ANKRD42: variants seen among roughly 807,000 people sequenced by gnomAD.
The protein encoded by ANKRD42 is ankyrin repeat domain 42.
Under a neutral mutation model 51.5 loss-of-function variants are expected in ANKRD42, and 43 were observed. That is an observed-to-expected ratio of 0.83 (90% CI 0.65 to 1.08). The LOEUF is 1.08. ANKRD42 is among the 50% of genes least tolerant of loss of function. The pLI is 0.00. For missense variants in ANKRD42, 608 were observed against 629.3 expected, an observed-to-expected ratio of 0.97 and a Z score of 0.36; for synonymous variants, 203 against 213.0, an observed-to-expected ratio of 0.95 and a Z score of 0.41.
At chr11:83,263,836 T>C (rs897220198), downstream of ANKRD42, among the ~76,000 whole-genome samples, 10 of 152,216 alleles carry the variant, frequency 6.6e-5, no homozygotes. Flanking sequence ...ATTCCAATTA[T>C]GCTTGTAGGT....
intron 9 of ANKRD42, among the ~76,000 whole-genome samples, chr11:83,243,816 C>A (rs1863460423): frequency 6.6e-6 from 1 of 151,574 alleles, no homozygotes; most frequent in Non-Finnish European, 1.5e-5. Flanking sequence ...CACTCGCCAC[C>A]ACGCCTGGCT....
At chr11:83,240,678 A>C in intron 8 of ANKRD42, 81 bp from the exon 9 acceptor site, 2 of 1,497,020 alleles carry the variant, frequency 1.3e-6, no homozygotes, top group Non-Finnish European at 1.8e-6. Flanking sequence ...TACAGAGTGT[A>C]ATCCCCTAAG....
At chr11:83,260,754 T>C (rs541890950), downstream of ANKRD42, 1 of 152,344 alleles carries the variant, frequency 6.6e-6, no homozygotes, top group South Asian at 2.1e-4. Flanking sequence ...ATGAAAAGGA[T>C]ATTTTAAAAT....
At chr11:83,224,400 C>T (rs185838821) in intron 5 of ANKRD42, among the ~76,000 whole-genome samples, 2 of 152,224 alleles carry the variant, frequency 1.3e-5, no homozygotes, top group African/African-American at 2.4e-5. Context: ...GCCTGCTCTT[C>T]GGTGACCCTC....
chr11:83,225,125 A>G, intron 6 of ANKRD42, 70 bp downstream of exon 6: 1 of 1,345,278 alleles, frequency 7.4e-7, no homozygotes, highest in South Asian at 1.4e-5. Context: ...AATGAGTAGA[A>G]TCAATGAAAT....
chr11:83,236,864 A>G (rs1863240362), intron 8 of ANKRD42, among the ~76,000 whole-genome samples: 1 of 152,230 alleles, frequency 6.6e-6, no homozygotes, highest in Non-Finnish European at 1.5e-5. Context: ...GTCCCATCCA[A>G]ATGCCTGTAG....
Position 83,236,451 on chromosome 11 carries a change from G to A in ANKRD42, c.961G>A (p.Gly321Arg), listed in dbSNP as rs1173308415. ...GTGTTTGCAGTGGTTAATTAAAATG[G>A]GAGCAGACAGTAATATTACCAACAA... ...IECLQWLIKMGADSNITNKAG... is the reference protein window; with the variant it reads ...IECLQWLIKMRADSNITNKAG... Residue 321 changes from glycine to arginine, a missense_variant, in exon 8 of 11, where the codon GGA becomes AGA. Gly to Arg is a moderately radical substitution (Grantham distance 125, BLOSUM62 -2). Transcript: ENST00000533342. 27 of 1,612,238 alleles carry A rather than the reference G, an allele frequency of 1.7e-5. No homozygotes were observed. The highest frequency in any genetic ancestry group is 2.2e-5 in the Non-Finnish European group (26 of 1,179,434).
downstream of ANKRD42, among the ~76,000 whole-genome samples, chr11:83,251,541 T>G (rs1361418022): frequency 6.6e-6 from 1 of 152,174 alleles, no homozygotes; most frequent in East Asian, 1.9e-4. Context: ...TTACAAAGCT[T>G]GTTAGATGGC....
chr11:83,221,015 T>G (rs1205958024), intron 5 of ANKRD42, among the ~76,000 whole-genome samples: 2 of 152,174 alleles, frequency 1.3e-5, no homozygotes, highest in Non-Finnish European at 2.9e-5. Context: ...TGAACACCAG[T>G]AATTCTTAGA....
In ANKRD42 at chr11:83,194,018, G is replaced by T. The variant is rs1172840406; in HGVS notation, c.-653G>T. The T allele has an allele frequency of 1.3e-5, 6 of 456,434 alleles. No homozygotes were observed. Among genetic ancestry groups the T allele is most frequent in the Non-Finnish European group, 1.8e-5 (4 of 226,812 alleles). 28.3% of individuals were successfully genotyped at this position (456,434 alleles called of 1,614,324 possible). A position where few individuals can be genotyped will look rare whatever the true frequency, so the allele number is the denominator to read the frequency against. On this transcript the variant is annotated 5_prime_UTR_variant, in exon 1 of 11. Transcript: ENST00000533342. ...CTAAGTGCAGACGCCGGCTTCTCCC[G>T]CAGTGACTTGAGAAGGGTCAGTGAA...
intron 1 of ANKRD42, 47 bp from the exon 2 acceptor site, chr11:83,198,432 C>A: frequency 1.4e-6 from 2 of 1,477,590 alleles, no homozygotes; most frequent in Non-Finnish European, 9.1e-7. Context: ...CTTTTTTTTT[C>A]TTTCATAGTT....
chr11:83,245,471 A>G (rs1351142751), intron 9 of ANKRD42, 27 bp from the exon 10 acceptor site: 2 of 1,533,666 alleles, frequency 1.3e-6, no homozygotes, highest in Non-Finnish European at 1.7e-6. Context: ...ATGTCTAACT[A>G]GGTTCCTACT....
rs571183084 is a variant in ANKRD42 at position 83,224,190 on chromosome 11, AAATT to A, written c.587-663_587-660del. ...TCTTCTTGTTTATAATAAAAAGAAT[AAATT>A]ATTATAGAAAAGTGACAAATGCATA... On this transcript the variant is annotated intron_variant, in intron 5 of 10. Coordinates refer to ENST00000533342, the MANE Select transcript of ANKRD42 (RefSeq NM_001300975.2). Among the ~76,000 whole-genome samples, 1,246 of 152,278 alleles carry A rather than the reference AAATT, an allele frequency of 8.2e-3. 16 individuals are homozygous for A. The highest frequency in any genetic ancestry group is 0.028 in the African/African-American group (1,161 of 41,560).
chr11:83,257,239 A>G (rs184034432), downstream of ANKRD42: 1 of 450,808 alleles, frequency 2.2e-6, no homozygotes, highest in Non-Finnish European at 4.4e-6. Context: ...GCAAGGGTCC[A>G]GAGGGTGGGA....
rs753275712 is a variant in ANKRD42, at chr11:83,206,043, T to C, written c.223-15T>C. ...ACATCCACTTTATCACTTGTTAACA[T>C]GGTTATTTTCTTAGTGTCTTCATTG... On this transcript the variant is annotated splice_polypyrimidine_tract_variant and intron_variant, in intron 2 of 10. Coordinates refer to ENST00000533342, the MANE Select transcript of ANKRD42 (RefSeq NM_001300975.2). 2 of 1,598,742 alleles carry C rather than the reference T, an allele frequency of 1.3e-6. No individual in the cohort carries two copies. Among genetic ancestry groups the C allele is most frequent in the East Asian group, 4.5e-5 (2 of 44,782 alleles).
chr11:83,223,241 C>A (rs1306104897), intron 5 of ANKRD42, among the ~76,000 whole-genome samples: 1 of 152,104 alleles, frequency 6.6e-6, no homozygotes, highest in Non-Finnish European at 1.5e-5. Context: ...CAGAGCAAGA[C>A]CCTGTCTCAA....
intron 2 of ANKRD42, among the ~76,000 whole-genome samples, chr11:83,201,763 T>G (rs1861880226): frequency 1.3e-5 from 2 of 152,220 alleles, no homozygotes; most frequent in Non-Finnish European, 1.5e-5. Flanking sequence ...GTGATGAGCT[T>G]TTTTTCATAT....
intron 9 of ANKRD42, 116 bp downstream of exon 9, chr11:83,241,050 A>G (rs1863371086): frequency 4.9e-6 from 6 of 1,235,678 alleles, no homozygotes; most frequent in Non-Finnish European, 6.7e-6. Context: ...AAATAATTTG[A>G]TATTTTTGGA....
rs1005776100 is a variant in ANKRD42, at chr11:83,193,726, C to G, written c.-945C>G. The G allele has an allele frequency of 1.0e-5, 4 of 399,970 alleles. No individual in the cohort carries two copies. The Admixed American group carries it at 1.3e-4, about 13-fold the overall frequency. 24.8% of individuals were successfully genotyped at this position (399,970 alleles called of 1,614,324 possible). On this transcript the variant is annotated 5_prime_UTR_variant, in exon 1 of 11. Transcript: ENST00000533342. ...GTCGGAAGTGTACTCGTTTCCAAGG[C>G]GACGGCCCTGCTGCCTCTCCAGCCA...
Sources: gnomAD v4.1 joint callset for allele counts (sites outside exome capture counted in the v4.1 genomes callset) on GRCh38, gnomAD v4.1.1 for gene constraint, MANE v1.5 for transcripts, NCBI Gene and HGNC (gene_info 2026-07-23, HGNC 2026-07-21) for gene names.